Variants in LRRTM4 observed in about 807,000 individuals in gnomAD.
LRRTM4 encodes leucine rich repeat transmembrane neuronal 4.
Under a neutral mutation model 47.6 loss-of-function variants are expected in LRRTM4, and 25 were observed. The observed-to-expected ratio is 0.53, with a 90% CI of 0.38 to 0.73. LRRTM4 has a LOEUF of 0.73. LRRTM4 is among the 30% of genes least tolerant of loss of function. The probability of loss-of-function intolerance (pLI) is 0.00; values close to 1 mark genes in which losing one functional copy is unlikely to be tolerated. For synonymous variants in LRRTM4, 311 were observed against 269.5 expected, an observed-to-expected ratio of 1.15 and a Z score of -1.51; for missense variants, 638 against 713.4, an observed-to-expected ratio of 0.89 and a Z score of 1.20.
At chr2:76,981,885 A>C (rs535429532) in intron 3 of LRRTM4, among the ~76,000 whole-genome samples, 48 of 152,174 alleles carry the variant, frequency 3.2e-4, no homozygotes, top group African/African-American at 1.1e-3. Flanking sequence ...AACATTAGAT[A>C]AAGAGTATAT....
intron 3 of LRRTM4, among the ~76,000 whole-genome samples, chr2:77,196,741 A>G (rs1198539613): frequency 1.3e-5 from 2 of 152,306 alleles, no homozygotes; most frequent in African/African-American, 4.8e-5. Flanking sequence ...ATCCTTTCTC[A>G]AATAATAAAT....
intron 3 of LRRTM4, among the ~76,000 whole-genome samples, chr2:77,168,480 T>G (rs1672953280): frequency 6.6e-6 from 1 of 152,136 alleles, no homozygotes; most frequent in African/African-American, 2.4e-5. Context: ...TTGATATATA[T>G]GTACAATGTG....
At chr2:76,806,455 C>A (rs1448255767) in intron 3 of LRRTM4, among the ~76,000 whole-genome samples, 3 of 152,106 alleles carry the variant, frequency 2.0e-5, no homozygotes, top group Non-Finnish European at 4.4e-5. Context: ...GTAGCGCACG[C>A]CTGTAATCCC....
intron 3 of LRRTM4, among the ~76,000 whole-genome samples, chr2:76,997,260 T>C (rs1444099934): frequency 6.6e-6 from 1 of 152,170 alleles, no homozygotes; most frequent in East Asian, 1.9e-4. Flanking sequence ...TCCTGATTTT[T>C]TTCTTGATTC....
At chr2:76,870,713 G>T (rs1410755002) in intron 3 of LRRTM4, among the ~76,000 whole-genome samples, 1 of 152,102 alleles carries the variant, frequency 6.6e-6, no homozygotes, top group Non-Finnish European at 1.5e-5. Flanking sequence ...TTCTTCGGTA[G>T]AAAAAGTCAC....
At chr2:76,751,328 A>G (rs1002185339) in intron 3 of LRRTM4, among the ~76,000 whole-genome samples, 1 of 152,064 alleles carries the variant, frequency 6.6e-6, no homozygotes, top group African/African-American at 2.4e-5. Flanking sequence ...GAAGGTAAAA[A>G]CTATTTTCAG....
chr2:76,848,542 C>G (rs1312782299), intron 3 of LRRTM4, among the ~76,000 whole-genome samples: 1 of 151,978 alleles, frequency 6.6e-6, no homozygotes, highest in East Asian at 1.9e-4. Flanking sequence ...TATCTTGAAT[C>G]AGTTCAAAAA....
intron 3 of LRRTM4, among the ~76,000 whole-genome samples, chr2:77,425,751 A>C (rs1479901017): frequency 6.6e-6 from 1 of 152,156 alleles, no homozygotes; most frequent in African/African-American, 2.4e-5. Flanking sequence ...GTCTATATCC[A>C]GCTCTCCTTT....
intron 3 of LRRTM4, among the ~76,000 whole-genome samples, chr2:77,235,230 A>G (rs187923575): frequency 5.1e-4 from 77 of 152,130 alleles, no homozygotes; most frequent in African/African-American, 1.7e-3. Flanking sequence ...CTATAATAAT[A>G]CCCATTCTGA....
intron 3 of LRRTM4, among the ~76,000 whole-genome samples, chr2:76,947,524 G>A (rs1001560144): frequency 4.6e-5 from 7 of 151,678 alleles, no homozygotes; most frequent in African/African-American, 9.7e-5. Flanking sequence ...GTTATTTAGT[G>A]TTCACTCATA....
chr2:76,833,736 A>G (rs956075909), intron 3 of LRRTM4, among the ~76,000 whole-genome samples: 22 of 152,032 alleles, frequency 1.4e-4, no homozygotes, highest in Admixed American at 5.9e-4. Context: ...TACATGCTCA[A>G]TGTAAAACAT....
chr2:76,846,825 G>A (rs1320657071), intron 3 of LRRTM4, among the ~76,000 whole-genome samples: 2 of 152,072 alleles, frequency 1.3e-5, no homozygotes, highest in African/African-American at 2.4e-5. Flanking sequence ...AAATTTTCAT[G>A]GATATAGCCC....
At position 77,115,538 on chromosome 2, in the gene LRRTM4, A is replaced by G. The variant is rs1195317721; in HGVS notation, c.1552-366622T>C. ...GATAAATGTACATGAAATCTTCACA[A>G]TTTATGTTCTTCTGCCTTGCCTCCA... On this transcript the variant is annotated intron_variant, in intron 3 of 3. Coordinates refer to ENST00000409884, the MANE Select transcript of LRRTM4 (RefSeq NM_001134745.3). 3.9e-5 allele frequency among the ~76,000 whole-genome samples: 6 copies of G among 152,188 alleles called. No individual in the cohort carries two copies. In the East Asian group the frequency reaches 9.7e-4, roughly 25 times the overall value.
At chr2:76,785,034 TTATAA>T (rs562287658) in intron 3 of LRRTM4, among the ~76,000 whole-genome samples, 22 of 152,230 alleles carry the variant, frequency 1.4e-4, no homozygotes, top group East Asian at 9.7e-4. Flanking sequence ...GTTGTCACTC[TTATAA>T]TATGACTGTA....
At chr2:76,853,023 T>G in intron 3 of LRRTM4, among the ~76,000 whole-genome samples, 1 of 152,090 alleles carries the variant, frequency 6.6e-6, no homozygotes, top group East Asian at 1.9e-4. Flanking sequence ...CTAGAGCAGG[T>G]AGAATATAGA....
intron 3 of LRRTM4, among the ~76,000 whole-genome samples, chr2:77,113,035 G>C (rs556893238): frequency 6.6e-6 from 1 of 152,046 alleles, no homozygotes; most frequent in Admixed American, 6.5e-5. Context: ...TTAACAGTAG[G>C]AGCTTGGCCT....
intron 3 of LRRTM4, among the ~76,000 whole-genome samples, chr2:76,800,755 A>G (rs1351052738): frequency 2.8e-5 from 3 of 106,882 alleles, no homozygotes; most frequent in Non-Finnish European, 5.2e-5. Context: ...ACAAATTTAC[A>G]AGAAAAAAAC....
rs530732773 is a variant in LRRTM4 at position 77,262,786 on chromosome 2, C to T, written c.1551+255532G>A. On this transcript the variant is annotated intron_variant, in intron 3 of 3. Transcript: ENST00000409884. Reference sequence around the variant, plus strand: ...TCGTACCAAGAGTACTGCAATATTGCGACTTATATAATAATGTATTTGTTC... The same window carrying T: ...TCGTACCAAGAGTACTGCAATATTGTGACTTATATAATAATGTATTTGTTC... Among the ~76,000 whole-genome samples, 11 of 151,946 alleles carry T rather than the reference C, an allele frequency of 7.2e-5. No individual in the cohort carries two copies. In the South Asian group the frequency reaches 1.9e-3, roughly 26 times the overall value.
intron 3 of LRRTM4, among the ~76,000 whole-genome samples, chr2:77,197,515 T>C (rs530727220): frequency 6.6e-6 from 1 of 152,294 alleles, no homozygotes; most frequent in Admixed American, 6.5e-5. Flanking sequence ...ATCTTACAAC[T>C]TTCTATTCTA....
Sources: allele counts gnomAD v4.1 joint callset (sites outside exome capture counted in the v4.1 genomes callset), GRCh38; gene constraint gnomAD v4.1.1; transcripts MANE v1.5; gene names NCBI Gene and HGNC (gene_info 2026-07-23, HGNC 2026-07-21).